TRHDE: variants seen among roughly 807,000 people sequenced by gnomAD.
TRHDE encodes the protein thyrotropin-releasing hormone-degrading ectoenzyme.
In TRHDE, 72 loss-of-function variants were observed where a neutral mutation model predicts 125.7. The observed-to-expected ratio is 0.57, with a 90% CI of 0.47 to 0.70. The LOEUF is 0.70. TRHDE is among the 30% of genes least tolerant of loss of function. TRHDE has a pLI of 0.00. For missense variants in TRHDE, 1,110 were observed against 1,327.1 expected (o/e 0.84, Z 2.54); for synonymous variants, 509 against 509.1 (o/e 1.00, Z 0.00).
rs1037456477 is a variant in TRHDE, at chr12:72,542,865, G to T, written c.1788+509G>T. ...AAATATGTTTTTCTTAAAAAAGGAA[G>T]AAAAAGATACAGTTTTTATCATAAT... On this transcript the variant is annotated intron_variant, in intron 7 of 18. Coordinates refer to ENST00000261180, the MANE Select transcript of TRHDE (RefSeq NM_013381.3). Among the ~76,000 whole-genome samples the T allele has an allele frequency of 4.0e-5, 6 of 151,158 alleles. No homozygotes were observed. In the Admixed American group the frequency reaches 4.0e-4, roughly 10 times the overall value.
intron 6 of TRHDE, among the ~76,000 whole-genome samples, chr12:72,500,396 CTT>C (rs200145339): frequency 6.6e-6 from 1 of 151,302 alleles, no homozygotes; most frequent in Non-Finnish European, 1.5e-5. Flanking sequence ...TTTCTATGTA[CTT>C]TTTTTTTCTT....
intron 15 of TRHDE, among the ~76,000 whole-genome samples, chr12:72,640,658 A>T (rs1044492183): frequency 6.6e-6 from 1 of 151,968 alleles, no homozygotes; most frequent in African/African-American, 2.4e-5. Context: ...AATAAGGTTC[A>T]CGCATCAATG....
Position 72,192,338 on chromosome 12 carries a change from C to T in TRHDE, n.279+86586C>T, listed in dbSNP as rs1280743300. Among the ~76,000 whole-genome samples, 13 of 151,846 alleles carry T rather than the reference C, an allele frequency of 8.6e-5. 1 individual carries two copies. Among genetic ancestry groups the T allele is most frequent in the East Asian group, 7.7e-4 (4 of 5,192 alleles). ...CTTTGAATAAGAAGCAATTTTAAGC[C>T]GAAGTTTAAAATAGAAATCAATTAA... On this transcript the variant is annotated intron_variant and non_coding_transcript_variant, in intron 2 of 4. Transcript: ENST00000548156.
At chr12:72,386,774 A>G (rs1375667776) in intron 3 of TRHDE, among the ~76,000 whole-genome samples, 1 of 152,192 alleles carries the variant, frequency 6.6e-6, no homozygotes, top group Non-Finnish European at 1.5e-5. Context: ...CCAATGCTCC[A>G]TTCTCAGCCT....
Position 72,273,560 on chromosome 12 carries a change from A to G in TRHDE, c.914+3A>G, listed in dbSNP as rs1285236402. 1 of 1,582,934 alleles carries G rather than the reference A, an allele frequency of 6.3e-7. No homozygotes were observed. Among genetic ancestry groups the G allele is most frequent in the South Asian group, 1.1e-5 (1 of 90,274 alleles). On this transcript the variant is annotated splice_donor_region_variant and intron_variant, in intron 1 of 18. Coordinates refer to ENST00000261180, the MANE Select transcript of TRHDE (RefSeq NM_013381.3). This position sits in a 1 kb window ranked among gnomAD's most constrained non-coding sequence, Gnocchi z 5.3. ...TATGTGCTCCACGGGGAGAGAAGGT[A>G]TGGAGGGAGGCGGTGCCCCGCGCTG... is the stretch of plus-strand genomic sequence containing the variant.
intron 2 of TRHDE, among the ~76,000 whole-genome samples, chr12:72,196,460 T>C (rs936884228): frequency 1.3e-5 from 2 of 152,142 alleles, no homozygotes; most frequent in Admixed American, 6.6e-5. Flanking sequence ...GATGTATTCT[T>C]AGGTATTTTA....
At chr12:72,387,704 G>A (rs1867507) in intron 3 of TRHDE, among the ~76,000 whole-genome samples, 11,869 of 152,130 alleles carry the variant, frequency 0.078, 1,079 homozygotes, top group African/African-American at 0.21. Context: ...AGTGGGAGAT[G>A]ATTGAATCAT....
intron 1 of TRHDE, among the ~76,000 whole-genome samples, chr12:72,091,798 T>C (rs992769686): frequency 2.0e-5 from 3 of 152,208 alleles, no homozygotes; most frequent in African/African-American, 7.2e-5. Context: ...ACTAGGCACA[T>C]ATGAAGCCTA....
chr12:72,451,411 A>G (rs1875562368), intron 3 of TRHDE, among the ~76,000 whole-genome samples: 1 of 152,140 alleles, frequency 6.6e-6, no homozygotes, highest in Admixed American at 6.6e-5. Context: ...TTCTTGGCAC[A>G]TTTGCCAAAA....
chr12:72,346,128 A>G (rs929356730), intron 2 of TRHDE, among the ~76,000 whole-genome samples: 4 of 152,084 alleles, frequency 2.6e-5, no homozygotes, highest in African/African-American at 9.6e-5. Flanking sequence ...GGAAGATTCT[A>G]TCATTCTCCA....
chr12:72,397,417 C>G (rs1872844281), intron 3 of TRHDE, among the ~76,000 whole-genome samples: 2 of 152,106 alleles, frequency 1.3e-5, no homozygotes, highest in African/African-American at 4.8e-5. Flanking sequence ...AAACAACAAC[C>G]AAGAGTAAAC....
Position 72,542,313 on chromosome 12 carries a change from T to G in TRHDE, c.1745T>G (p.Leu582Arg). ...TAGGGTGCTGCTTTAATAAGAATGC[T>G]GGCTAATTTTATGGGCCATTCAGTT... ...YKKGAALIRM[L>R]ANFMGHSVFQ... The change falls in exon 7 of 19, where the codon CTG (leucine) becomes CGG (arginine). Residue 582 changes from leucine to arginine, a missense_variant. By Grantham distance (102) the Leu-to-Arg change is moderately radical. Coordinates refer to ENST00000261180, the MANE Select transcript of TRHDE (RefSeq NM_013381.3). 1 of 1,604,652 alleles carries G rather than the reference T, an allele frequency of 6.2e-7. No homozygotes were observed. The highest frequency in any genetic ancestry group is 8.5e-7 in the Non-Finnish European group (1 of 1,174,122).
chr12:72,288,879 A>G (rs1258973899), intron 2 of TRHDE, among the ~76,000 whole-genome samples: 6 of 152,168 alleles, frequency 3.9e-5, no homozygotes, highest in Non-Finnish European at 8.8e-5. Context: ...AAAACATGCT[A>G]CCAGAGAACA....
intron 3 of TRHDE, among the ~76,000 whole-genome samples, chr12:72,396,180 C>T (rs944306290): frequency 2.0e-5 from 3 of 152,154 alleles, no homozygotes. Flanking sequence ...AACAAACAGG[C>T]TTCAATATAC....
chr12:72,166,783 A>T (rs1020468056), intron 2 of TRHDE, among the ~76,000 whole-genome samples: 2 of 152,170 alleles, frequency 1.3e-5, no homozygotes, highest in African/African-American at 4.8e-5. Flanking sequence ...CTGAAGCATT[A>T]CAGCTTTGCT....
rs961757426 is a variant in TRHDE, at chr12:72,127,099, C to G, written n.279+21347C>G. Among the ~76,000 whole-genome samples the G allele has an allele frequency of 2.0e-5, 3 of 152,254 alleles. 1 individual carries two copies. Among genetic ancestry groups the G allele is most frequent in the Admixed American group, 2.0e-4 (3 of 15,286 alleles). On this transcript the variant is annotated intron_variant and non_coding_transcript_variant, in intron 2 of 4. Coordinates refer to the TRHDE transcript ENST00000548156. ...GCCAACAAACATATGAAAAAATGTT[C>G]TTTCTCACTAATCATCAAAGAAATG...
At chr12:72,281,353 A>G (rs149513549) in intron 1 of TRHDE, among the ~76,000 whole-genome samples, 1,934 of 152,310 alleles carry the variant, frequency 0.013, 23 homozygotes, top group Non-Finnish European at 0.017. Flanking sequence ...AACAATTTGC[A>G]TTTTGGATTA....
chr12:72,462,324 C>T (rs922623619), intron 3 of TRHDE, among the ~76,000 whole-genome samples: 2 of 152,032 alleles, frequency 1.3e-5, no homozygotes, highest in African/African-American at 4.8e-5. Flanking sequence ...ATCTGTGAAT[C>T]GGAAGGGAAT....
At chr12:72,545,507 A>G (rs1869374473) in intron 7 of TRHDE, among the ~76,000 whole-genome samples, 1 of 151,610 alleles carries the variant, frequency 6.6e-6, no homozygotes, top group Non-Finnish European at 1.5e-5. Context: ...TGGGTTTGAT[A>G]TATTTAATTT....
Sources: gnomAD v4.1 joint callset for allele counts (sites outside exome capture counted in the v4.1 genomes callset) on GRCh38, gnomAD v4.1.1 for gene constraint, Gnocchi (gnomAD v3.1) non-coding constraint, MANE v1.5 for transcripts, NCBI Gene and HGNC (gene_info 2026-07-23, HGNC 2026-07-21) for gene names.